ANTXR2: variants seen among roughly 807,000 people sequenced by gnomAD.
ANTXR2 encodes the protein ANTXR cell adhesion molecule 2, also known as anthrax toxin receptor 2.
ANTXR2 carries 44 observed loss-of-function variants against 73.7 expected under a neutral mutation model. The ratio of observed to expected loss-of-function variants is 0.60; its 90% CI spans 0.47 to 0.77. The LOEUF (loss-of-function observed/expected upper bound fraction) is 0.77. ANTXR2 is among the 30% of genes least tolerant of loss of function. The probability of loss-of-function intolerance (pLI) is 0.00; values close to 1 mark genes in which losing one functional copy is unlikely to be tolerated. For synonymous variants in ANTXR2, 217 were observed against 205.9 expected, an observed-to-expected ratio of 1.05 and a Z score of -0.46; for missense variants, 604 against 592.5, an observed-to-expected ratio of 1.02 and a Z score of -0.20.
intron 11 of ANTXR2, among the ~76,000 whole-genome samples, chr4:80,017,066 A>G (rs1731907705): frequency 1.3e-5 from 2 of 152,208 alleles, no homozygotes; most frequent in African/African-American, 4.8e-5. Context: ...GAATCAAATC[A>G]TGTCACCTTC....
At chr4:79,964,985 T>C (rs1281260461) in intron 16 of ANTXR2, 1 of 152,190 alleles carries the variant, frequency 6.6e-6, no homozygotes, top group South Asian at 2.1e-4. Flanking sequence ...AGCGGGAGAC[T>C]GCTCGCCCGC....
intron 11 of ANTXR2, among the ~76,000 whole-genome samples, chr4:80,013,682 T>C (rs763966515): frequency 4.6e-5 from 7 of 152,216 alleles, no homozygotes; most frequent in Non-Finnish European, 7.3e-5. Context: ...TTCATCATAG[T>C]ATTACCCACT....
chr4:79,965,716 C>T (rs1410992299), intron 16 of ANTXR2, among the ~76,000 whole-genome samples: 1 of 152,084 alleles, frequency 6.6e-6, no homozygotes, highest in Admixed American at 6.6e-5. Flanking sequence ...AAAGAATTGA[C>T]CTTAACAGAC....
intron 16 of ANTXR2, among the ~76,000 whole-genome samples, chr4:79,929,178 A>T (rs576615912): frequency 1.3e-5 from 2 of 152,218 alleles, no homozygotes; most frequent in East Asian, 3.9e-4. Flanking sequence ...GGGCTCACAG[A>T]CTTGGCCATA....
intron 11 of ANTXR2, among the ~76,000 whole-genome samples, chr4:80,018,356 A>T (rs1280511044): frequency 1.3e-5 from 2 of 152,184 alleles, no homozygotes; most frequent in African/African-American, 4.8e-5. Flanking sequence ...AAAATACTGC[A>T]TTTAGGTAAT....
At position 80,056,031 on chromosome 4, in the gene ANTXR2, C is replaced by G; in HGVS notation, c.297-18G>C. ...TTTTGCCTCTGAAAATAATATTAAA[C>G]AAAAGAAAAAATGAGCAAAGAGCAA... is the stretch of plus-strand genomic sequence containing the variant. On this transcript the variant is annotated intron_variant, in intron 3 of 16. Coordinates refer to ENST00000403729, the MANE Select transcript of ANTXR2 (RefSeq NM_058172.6). 6.7e-7 allele frequency: 1 copy of G among 1,497,306 alleles called. No individual in the cohort carries two copies. Among genetic ancestry groups the G allele is most frequent in the Non-Finnish European group, 8.9e-7 (1 of 1,118,910 alleles). 92.8% of individuals were successfully genotyped at this position (1,497,306 alleles called of 1,614,324 possible). A position where few individuals can be genotyped will look rare whatever the true frequency, so the allele number is the denominator to read the frequency against.
intron 10 of ANTXR2, among the ~76,000 whole-genome samples, chr4:80,027,639 T>C (rs1200116654): frequency 6.6e-6 from 1 of 152,172 alleles, no homozygotes; most frequent in East Asian, 1.9e-4. Context: ...CTATACCATA[T>C]GCCTCCTTAA....
intron 12 of ANTXR2, among the ~76,000 whole-genome samples, chr4:79,987,525 T>C (rs1730235889): frequency 6.6e-6 from 1 of 152,120 alleles, no homozygotes; most frequent in South Asian, 2.1e-4. Context: ...CTGAAAGAGA[T>C]AGAGAACAAG....
At chr4:79,964,282 T>G (rs1729262394) in intron 16 of ANTXR2, among the ~76,000 whole-genome samples, 1 of 152,222 alleles carries the variant, frequency 6.6e-6, no homozygotes, top group Admixed American at 6.5e-5. Context: ...TCTTTGCCTT[T>G]CTGCTTCTCT....
intron 16 of ANTXR2, among the ~76,000 whole-genome samples, chr4:79,935,806 G>A (rs1011853446): frequency 6.6e-5 from 10 of 152,282 alleles, no homozygotes; most frequent in African/African-American, 2.4e-4. Flanking sequence ...TTGTGTGTAC[G>A]TTGTTGGCTA....
At chr4:79,992,217 G>A (rs1730504495) in intron 12 of ANTXR2, among the ~76,000 whole-genome samples, 1 of 151,760 alleles carries the variant, frequency 6.6e-6, no homozygotes, top group Non-Finnish European at 1.5e-5. Flanking sequence ...TAATTTTTGT[G>A]GGTACATATA....
At chr4:80,046,642 G>T (rs1335420022) in intron 7 of ANTXR2, among the ~76,000 whole-genome samples, 2 of 151,604 alleles carry the variant, frequency 1.3e-5, no homozygotes, top group Non-Finnish European at 3.0e-5. Context: ...TATTCCATTT[G>T]ATTTTTCAGA....
intron 11 of ANTXR2, among the ~76,000 whole-genome samples, chr4:80,014,252 C>T (rs1337347421): frequency 6.6e-6 from 1 of 152,038 alleles, no homozygotes; most frequent in Non-Finnish European, 1.5e-5. Flanking sequence ...TCTTGGATCT[C>T]CCTTTTCTTT....
intron 12 of ANTXR2, among the ~76,000 whole-genome samples, chr4:80,002,877 G>T (rs915381584): frequency 2.7e-5 from 4 of 149,088 alleles, no homozygotes; most frequent in African/African-American, 7.3e-5. Flanking sequence ...TCTCACACCA[G>T]TTAGAATGGC....
intron 11 of ANTXR2, among the ~76,000 whole-genome samples, chr4:80,015,217 A>G (rs1247973049): frequency 1.3e-5 from 2 of 152,176 alleles, no homozygotes; most frequent in Non-Finnish European, 2.9e-5. Flanking sequence ...CATGTCTACA[A>G]TGAAAATTCT....
Position 80,031,625 on chromosome 4 carries a change from T to C in ANTXR2, c.864A>G (p.Gly288=). ...ATTGTTTTAAATTAAGTACTTACTC[T>C]CCAGCTTTATTCAGGATAGGTGCAG... ...LCPAPILNKA[G]ETLDVSVSFN... Residue 288 remains glycine (G), a splice_region_variant and synonymous_variant, in exon 10 of 17, where the codon GGA becomes GGG. Coordinates refer to ENST00000403729, the MANE Select transcript of ANTXR2 (RefSeq NM_058172.6). 6.6e-7 allele frequency: 1 copy of C among 1,511,628 alleles called. No individual in the cohort carries two copies. The highest frequency in any genetic ancestry group is 8.8e-7 in the Non-Finnish European group (1 of 1,135,966). The allele number at this position is 1,511,628 out of a possible 1,614,324, so 93.6% of individuals were successfully genotyped here. A position where few individuals can be genotyped will look rare whatever the true frequency, so the allele number is the denominator to read the frequency against.
intron 16 of ANTXR2, among the ~76,000 whole-genome samples, chr4:79,929,156 A>T (rs1727951630): frequency 6.6e-6 from 1 of 152,172 alleles, no homozygotes; most frequent in Non-Finnish European, 1.5e-5. Flanking sequence ...GTGGAAATAG[A>T]TGACCACTAC....
chr4:79,927,706 C>T (rs1415661041), intron 16 of ANTXR2, among the ~76,000 whole-genome samples: 2 of 152,008 alleles, frequency 1.3e-5, no homozygotes, highest in East Asian at 3.8e-4. Context: ...ATGTTGTATA[C>T]CTTAAATATA....
In ANTXR2 at chr4:80,055,455, T is replaced by C; in HGVS notation, c.391A>G (p.Ile131Val). ...HEGLKLANEQ[I>V]QKAGGLKTSS... Reference sequence around the variant, plus strand: ...GTTTTCAAGCCTCCTGCTTTCTGAATTTGTTCATTCGCCTGAAAATGAAGA... The same window carrying C: ...GTTTTCAAGCCTCCTGCTTTCTGAACTTGTTCATTCGCCTGAAAATGAAGA... The change falls in exon 5 of 17, where the codon ATT (isoleucine) becomes GTT (valine). Residue 131 changes from isoleucine (I) to valine (V), a missense_variant. Ile to Val is a conservative substitution (Grantham distance 29). Coordinates refer to ENST00000403729, the MANE Select transcript of ANTXR2 (RefSeq NM_058172.6). 4 of 1,610,006 alleles carry C rather than the reference T, an allele frequency of 2.5e-6. No individual in the cohort carries two copies. The highest frequency in any genetic ancestry group is 3.4e-6 in the Non-Finnish European group (4 of 1,177,656).
Sources: gnomAD v4.1 joint callset for allele counts (sites outside exome capture counted in the v4.1 genomes callset) on GRCh38, gnomAD v4.1.1 for gene constraint, MANE v1.5 for transcripts, NCBI Gene and HGNC (gene_info 2026-07-23, HGNC 2026-07-21) for gene names.